The following ACAD10 variants were observed in gnomAD, a reference collection of about 807,000 sequenced individuals.
ACAD10 encodes the protein acyl-CoA dehydrogenase family member 10.
In ACAD10, 112 loss-of-function variants were observed where a neutral mutation model predicts 116.8. The observed-to-expected ratio is 0.96, with a 90% CI of 0.82 to 1.12. The LOEUF (loss-of-function observed/expected upper bound fraction) is 1.12. Ranked by LOEUF, ACAD10 falls within the 50% of genes most tolerant of loss-of-function variation. The pLI is 0.00. For missense variants in ACAD10, 1,259 were observed against 1,350.2 expected, an observed-to-expected ratio of 0.93 and a Z score of 1.06; for synonymous variants, 486 against 510.6, an observed-to-expected ratio of 0.95 and a Z score of 0.65.
intron 6 of ACAD10, chr12:111,715,578 T>C (rs1888817486): frequency 4.3e-6 from 2 of 463,866 alleles, no homozygotes. Context: ...AGAAAATTAC[T>C]GTGGTATAAA....
At chr12:111,702,672 A>G (rs1036318464) in intron 3 of ACAD10, among the ~76,000 whole-genome samples, 1 of 152,096 alleles carries the variant, frequency 6.6e-6, no homozygotes, top group Non-Finnish European at 1.5e-5. Context: ...TGGAGGTTGC[A>G]GTGAGCTGAG....
chr12:111,727,229 AAAAT>A (rs968017041), intron 8 of ACAD10, among the ~76,000 whole-genome samples: 10 of 151,712 alleles, frequency 6.6e-5, no homozygotes, highest in East Asian at 3.9e-4. Context: ...CCATCTCAAA[AAAAT>A]AAATAAATAG....
At chr12:111,712,746 T>C (rs913923176) in intron 6 of ACAD10, 89 bp downstream of exon 6, 4 of 1,418,084 alleles carry the variant, frequency 2.8e-6, no homozygotes, top group Non-Finnish European at 2.9e-6. Context: ...TGGAATGGGC[T>C]GGAGACAAAG....
intron 12 of ACAD10, among the ~76,000 whole-genome samples, chr12:111,738,630 G>C (rs1165807301): frequency 1.3e-5 from 2 of 151,968 alleles, no homozygotes; most frequent in Non-Finnish European, 2.9e-5. Context: ...ACTTTGGGAG[G>C]CCAAGGTGAG....
At chr12:111,746,104 TC>T in intron 13 of ACAD10, 39 bp from the exon 14 acceptor site, 1 of 1,596,140 alleles carries the variant, frequency 6.3e-7, no homozygotes, top group Non-Finnish European at 8.5e-7. Flanking sequence ...TAAAATGAAA[TC>T]TTCCACTGTG....
rs570279815 is a variant in ACAD10, at chr12:111,703,197, A to C, written c.336+887A>C. Among the ~76,000 whole-genome samples, 17 of 152,226 alleles carry C rather than the reference A, an allele frequency of 1.1e-4. No homozygotes were observed. In the South Asian group the frequency reaches 3.3e-3, roughly 30 times the overall value. On this transcript the variant is annotated intron_variant, in intron 3 of 20. Coordinates refer to ENST00000313698, the MANE Select transcript of ACAD10 (RefSeq NM_025247.6). ...GGATACGAATGAACAGCCAGATGAC[A>C]AGATACCTGGGGGCAAAGGTTTTAG...
At chr12:111,741,327 T>C (rs1889735483) in intron 12 of ACAD10, among the ~76,000 whole-genome samples, 5 of 152,246 alleles carry the variant, frequency 3.3e-5, no homozygotes, top group Admixed American at 3.3e-4. Flanking sequence ...TGAATAGTCC[T>C]GGTCACCTCT....
chr12:111,713,700 G>T, intron 6 of ACAD10, among the ~76,000 whole-genome samples: 1 of 152,140 alleles, frequency 6.6e-6, no homozygotes, highest in Non-Finnish European at 1.5e-5. Flanking sequence ...ACTTTGGGAG[G>T]CTGAGGCAGG....
chr12:111,727,814 A>G (rs1889262993), intron 8 of ACAD10, 148 bp from the exon 9 acceptor site: 2 of 754,250 alleles, frequency 2.7e-6, no homozygotes, highest in Admixed American at 5.2e-5. Context: ...ATGTGAAAGG[A>G]AAAAGGAAGT....
chr12:111,740,386 G>A (rs1237014120), intron 12 of ACAD10, among the ~76,000 whole-genome samples: 2 of 151,228 alleles, frequency 1.3e-5, no homozygotes, highest in Admixed American at 6.6e-5. Flanking sequence ...ACTTGAACCC[G>A]GGAGGCAGAG....
At position 111,744,711 on chromosome 12, in the gene ACAD10, G is replaced by T. The variant is rs752343559; in HGVS notation, c.1783G>T (p.Asp595Tyr). 1.9e-6 allele frequency: 3 copies of T among 1,614,110 alleles called. No homozygotes were observed. In the African/African-American group the frequency reaches 4.0e-5, roughly 22 times the overall value. Residue 595 changes from aspartate (D) to tyrosine (Y), a missense_variant, in exon 13 of 21, where the codon GAT (aspartate) becomes TAT (tyrosine). Transcript: ENST00000313698. ...LTEFVSNLAW[D>Y]FAVKEGFRVF... Reference sequence around the variant, plus strand: ...CGAATTTGTGTCTAACCTGGCGTGGGATTTCGCAGTCAAAGAAGGGTTCCG... The same window carrying T: ...CGAATTTGTGTCTAACCTGGCGTGGTATTTCGCAGTCAAAGAAGGGTTCCG...
At position 111,712,523 on chromosome 12, in the gene ACAD10, AG is replaced by A; in HGVS notation, c.718del (p.Glu240AsnfsTer2). 2 of 1,614,118 alleles carry A rather than the reference AG, an allele frequency of 1.2e-6. No individual in the cohort carries two copies. The highest frequency in any genetic ancestry group is 1.7e-6 in the Non-Finnish European group (2 of 1,179,972). On this transcript the variant is annotated frameshift_variant, in exon 6 of 21. Transcript: ENST00000313698. LOFTEE classifies it high-confidence loss of function. Reference sequence around the variant, plus strand: ...GTTAATGACCCAGAGACTGCAGTAAAGGAATTAGAAGCTCTCTTGGGTTTTA... The same window carrying A: ...GTTAATGACCCAGAGACTGCAGTAAAGAATTAGAAGCTCTCTTGGGTTTTA... ...IKVNDPETAV[K>X]ELEALLGFTL...
At chr12:111,721,440 C>G (rs943842746) in intron 7 of ACAD10, among the ~76,000 whole-genome samples, 1 of 152,074 alleles carries the variant, frequency 6.6e-6, no homozygotes, top group African/African-American at 2.4e-5. Context: ...TGGTGGTGCA[C>G]ATCTGTAATC....
At chr12:111,733,872 C>T (rs1351430751) in intron 10 of ACAD10, 51 bp from the exon 11 acceptor site, 4 of 1,611,186 alleles carry the variant, frequency 2.5e-6, no homozygotes, top group Non-Finnish European at 3.4e-6. Context: ...AGAATCCACC[C>T]TAGCCGGCAG....
intron 7 of ACAD10, among the ~76,000 whole-genome samples, chr12:111,716,624 G>A (rs1304153400): frequency 2.0e-5 from 3 of 152,218 alleles, no homozygotes; most frequent in African/African-American, 7.2e-5. Flanking sequence ...GGAGGCTGAG[G>A]CAGGTGGATG....
At chr12:111,692,564 G>T in intron 1 of ACAD10, 133 bp from the exon 2 acceptor site, 4 of 853,854 alleles carry the variant, frequency 4.7e-6, no homozygotes, top group South Asian at 1.7e-5. Context: ...ACTGAGGTCA[G>T]TTGTGGGTGT....
intron 2 of ACAD10, among the ~76,000 whole-genome samples, chr12:111,701,471 C>T (rs1014328925): frequency 7.2e-5 from 11 of 152,042 alleles, no homozygotes; most frequent in Non-Finnish European, 1.0e-4. Context: ...TTGAGATCAG[C>T]GTGGCCAACA....
intron 12 of ACAD10, among the ~76,000 whole-genome samples, chr12:111,740,782 C>CAAAAAAAAAAAA (rs751899672): frequency 5.9e-5 from 3 of 50,936 alleles, no homozygotes; most frequent in Admixed American, 2.1e-4. Context: ...GACTCCATCT[C>CAAAAAAAAAAAA]AAAAAAAAAA....
chr12:111,690,852 T>C (rs949050740), intron 1 of ACAD10, among the ~76,000 whole-genome samples: 5 of 151,710 alleles, frequency 3.3e-5, no homozygotes, highest in Non-Finnish European at 5.9e-5. Flanking sequence ...TTGGGGATGC[T>C]CAAAGTATAT....
Sources: gnomAD v4.1 joint callset for allele counts (sites outside exome capture counted in the v4.1 genomes callset) on GRCh38, gnomAD v4.1.1 for gene constraint, MANE v1.5 for transcripts, NCBI Gene and HGNC (gene_info 2026-07-23, HGNC 2026-07-21) for gene names.